The following CUL3 variants were observed in gnomAD, a reference collection of about 807,000 sequenced individuals.
The protein encoded by CUL3 is cullin-3.
Under a neutral mutation model 89.1 loss-of-function variants are expected in CUL3, and 19 were observed. The observed-to-expected ratio is 0.21, with a 90% confidence interval of 0.15 to 0.31. The LOEUF (loss-of-function observed/expected upper bound fraction) is 0.31, where lower values mean the gene tolerates loss of function less well. Ranked by LOEUF, CUL3 falls within the 10% of genes least tolerant of loss-of-function variation. The pLI is 1.00. For missense variants in CUL3, 469 were observed against 942.3 expected (o/e 0.50, Z 6.58); for synonymous variants, 351 against 308.4 (o/e 1.14, Z -1.45).
Position 224,500,406 on chromosome 2 carries a change from T to G in CUL3, c.1567A>C (p.Asn523His). ...WPTQSATPKC[N>H]IPPAPRHAFE... ...GCATGTCTTGGTGCTGGTGGGATGT[T>G]GCACTTTGGTGTGGCTGACTGAGTG... The change falls in exon 11 of 16, where the codon AAC becomes CAC. Residue 523 changes from asparagine to histidine, a missense_variant. Asn to His is a moderately conservative substitution (Grantham distance 68). Transcript: ENST00000264414. The G allele has an allele frequency of 6.2e-7, 1 of 1,614,152 alleles. No homozygotes were observed. The highest frequency in any genetic ancestry group is 8.5e-7 in the Non-Finnish European group (1 of 1,179,988).
intron 13 of CUL3, among the ~76,000 whole-genome samples, chr2:224,492,372 T>C (rs1321940960): frequency 1.3e-5 from 2 of 152,208 alleles, no homozygotes; most frequent in African/African-American, 2.4e-5. Context: ...CTATAAATTA[T>C]TGATGAATAT....
At chr2:224,573,639 C>T (rs1206997722) in intron 1 of CUL3, among the ~76,000 whole-genome samples, 2 of 152,106 alleles carry the variant, frequency 1.3e-5, no homozygotes, top group African/African-American at 4.8e-5. Flanking sequence ...CCCAGATCTG[C>T]CCCTGGCTAA....
chr2:224,557,966 A>ATGAT, intron 1 of CUL3, 110 bp from the exon 2 acceptor site: 1 of 618,110 alleles, frequency 1.6e-6, no homozygotes, highest in Non-Finnish European at 2.7e-6. Flanking sequence ...TTATATAGAT[A>ATGAT]TGATTATAAA....
chr2:224,475,342 A>G (rs1691276857), intron 15 of CUL3, among the ~76,000 whole-genome samples: 1 of 152,200 alleles, frequency 6.6e-6, no homozygotes, highest in Non-Finnish European at 1.5e-5. Context: ...ACCCTGCAAA[A>G]TAAGTTGTCT....
At chr2:224,557,883 CAAAAAA>C in intron 1 of CUL3, 27 bp from the exon 2 acceptor site, 26 of 110,350 alleles carry the variant, frequency 2.4e-4, no homozygotes, top group Admixed American at 5.6e-4. Flanking sequence ...AGAGAAGAGA[CAAAAAA>C]AAAAAAAAAA....
In CUL3 at chr2:224,485,361, A is replaced by AAG. The variant is rs1383033615; in HGVS notation, c.1843-3285_1843-3284dup. The AAG allele has an allele frequency of 6.6e-6, 1 of 152,334 alleles. No individual in the cohort carries two copies. Among genetic ancestry groups the AAG allele is most frequent in the Non-Finnish European group, 1.5e-5 (1 of 68,168 alleles). The allele number at this position is 152,334 out of a possible 1,614,324, so 9.4% of individuals were successfully genotyped here. A position where few individuals can be genotyped will look rare whatever the true frequency, so the allele number is the denominator to read the frequency against. ...CCCGACAGATCCCAGCAAGCAAGCT[A>AAG]AGATCCACTGGGTTGAAATTCTCAC... is the stretch of plus-strand genomic sequence containing the variant. On this transcript the variant is annotated intron_variant, in intron 13 of 15. Coordinates refer to ENST00000264414, the MANE Select transcript of CUL3 (RefSeq NM_003590.5). The surrounding 1 kb of genome is among the most constrained non-coding windows in gnomAD (Gnocchi z 4.1).
intron 3 of CUL3, among the ~76,000 whole-genome samples, chr2:224,518,680 C>T (rs967089619): frequency 2.0e-5 from 3 of 152,090 alleles, no homozygotes; most frequent in African/African-American, 7.2e-5. Context: ...CATTGTGGCC[C>T]TCAGTAAAAC....
chr2:224,490,576 C>T (rs751084074), intron 13 of CUL3, among the ~76,000 whole-genome samples: 7 of 151,976 alleles, frequency 4.6e-5, no homozygotes, highest in African/African-American at 1.2e-4. Flanking sequence ...CTCTCGTCTC[C>T]GCACAAGGGG....
At chr2:224,475,861 C>A (rs1691298824) in intron 15 of CUL3, among the ~76,000 whole-genome samples, 1 of 152,144 alleles carries the variant, frequency 6.6e-6, no homozygotes, top group Non-Finnish European at 1.5e-5. Context: ...TGTACTACAT[C>A]ATTATCAACC....
intron 3 of CUL3, among the ~76,000 whole-genome samples, chr2:224,522,670 T>C (rs902426953): frequency 6.6e-6 from 1 of 151,804 alleles, no homozygotes; most frequent in Non-Finnish European, 1.5e-5. Flanking sequence ...TACTAAAAAA[T>C]ACAAAAAAAT....
At chr2:224,499,583 C>G (rs1267263953) in intron 11 of CUL3, 1 of 209,866 alleles carries the variant, frequency 4.8e-6, no homozygotes, top group Non-Finnish European at 1.1e-5. Flanking sequence ...GGTCAAGAGA[C>G]CTTTTGTTTG....
intron 12 of CUL3, among the ~76,000 whole-genome samples, 189 bp downstream of exon 12, chr2:224,497,564 T>C (rs1174722687): frequency 6.6e-6 from 1 of 152,154 alleles, no homozygotes; most frequent in Non-Finnish European, 1.5e-5. Context: ...GTCTTCATAT[T>C]TTCAAAGGTG....
Position 224,585,088 on chromosome 2 carries a change from C to A in CUL3, c.-79G>T, listed in dbSNP as rs1291040374. ...GTCACATTTAAGGCGGGCAGGCAGG[C>A]TAGGGGCGACGCTGGGGGCGGCGGC... On this transcript the variant is annotated 5_prime_UTR_variant, in exon 1 of 16. Transcript: ENST00000264414. 2.2e-5 allele frequency: 27 copies of A among 1,203,390 alleles called. No individual in the cohort carries two copies. The South Asian group carries it at 3.9e-4, about 17-fold the overall frequency. 74.5% of individuals were successfully genotyped at this position (1,203,390 alleles called of 1,614,324 possible).
chr2:224,482,415 G>T (rs1691568077), intron 13 of CUL3, among the ~76,000 whole-genome samples: 1 of 151,990 alleles, frequency 6.6e-6, no homozygotes. Context: ...ACATATAATT[G>T]CTAATTTTAT....
intron 11 of CUL3, 138 bp downstream of exon 11, chr2:224,500,225 C>G: frequency 7.0e-6 from 7 of 999,046 alleles, no homozygotes; most frequent in Non-Finnish European, 8.9e-6. Flanking sequence ...TGCTGTATGC[C>G]AGGATAAATG....
chr2:224,535,350 A>G (rs1693854220), intron 3 of CUL3, among the ~76,000 whole-genome samples, 178 bp downstream of exon 3: 1 of 152,128 alleles, frequency 6.6e-6, no homozygotes, highest in Non-Finnish European at 1.5e-5. Flanking sequence ...TTGTATTTTT[A>G]GTAGAGACAG....
chr2:224,475,960 T>C (rs1691302049), intron 15 of CUL3, among the ~76,000 whole-genome samples: 1 of 152,148 alleles, frequency 6.6e-6, no homozygotes, highest in South Asian at 2.1e-4. Context: ...ACAGGCCAAA[T>C]ACACCCCACT....
chr2:224,516,060 C>T (rs1298946905), intron 3 of CUL3, among the ~76,000 whole-genome samples: 4 of 152,132 alleles, frequency 2.6e-5, no homozygotes, highest in African/African-American at 9.7e-5. Context: ...CAACCTTCTC[C>T]TTTCATTCAT....
At position 224,554,509 on chromosome 2, in the gene CUL3, C is replaced by T. The variant is rs2396107; in HGVS notation, c.264+3150G>A. Among the ~76,000 whole-genome samples, 1,254 of 152,290 alleles carry T rather than the reference C, an allele frequency of 8.2e-3. 10 individuals carry two copies. Among genetic ancestry groups the T allele is most frequent in the African/African-American group, 0.029 (1,196 of 41,548 alleles). On this transcript the variant is annotated intron_variant, in intron 2 of 15. Coordinates refer to ENST00000264414, the MANE Select transcript of CUL3 (RefSeq NM_003590.5). ...CAGATCTACAGAGAATTCAAGGGCT[C>T]AGACTAAAGCCACATTGCCTGAATT...
Sources: allele counts gnomAD v4.1 joint callset (sites outside exome capture counted in the v4.1 genomes callset), GRCh38; gene constraint gnomAD v4.1.1; non-coding constraint Gnocchi (gnomAD v3.1); transcripts MANE v1.5; gene names NCBI Gene and HGNC (gene_info 2026-07-23, HGNC 2026-07-21).